The following ZC3H12B variants were observed in gnomAD, a reference collection of about 807,000 sequenced individuals.
The protein encoded by ZC3H12B is zinc finger CCCH-type containing 12B, also known as probable ribonuclease ZC3H12B.
ZC3H12B carries 7 observed loss-of-function variants against 43.9 expected under a neutral mutation model. The ratio of observed to expected loss-of-function variants is 0.16; its 90% CI spans 0.09 to 0.30. The LOEUF is 0.30. ZC3H12B is among the 10% of genes least tolerant of loss of function. The pLI is 1.00. For synonymous variants in ZC3H12B, 222 were observed against 241.7 expected (o/e 0.92, Z 0.76); for missense variants, 475 against 670.2 (o/e 0.71, Z 3.22).
At chrX:65,141,874 C>T in the ZC3H12B span, among the ~76,000 whole-genome samples, 2 of 111,752 alleles carry the variant, frequency 1.8e-5, no homozygotes, top group African/African-American at 6.5e-5. Context: ...AGTAGTAGTC[C>T]ACTGTATATA....
the ZC3H12B span, among the ~76,000 whole-genome samples, chrX:65,281,295 A>C: frequency 2.1e-4 from 21 of 100,903 alleles, no homozygotes; most frequent in African/African-American, 7.8e-4. Context: ...AGTGCAGAGG[A>C]GCGATTTCGG....
the ZC3H12B span, among the ~76,000 whole-genome samples, chrX:65,220,497 G>T: frequency 9.0e-6 from 1 of 111,573 alleles, no homozygotes; most frequent in African/African-American, 3.3e-5. Context: ...AATTTAAAGA[G>T]GTGGAAAAGA....
At chrX:65,117,288 A>G in the ZC3H12B span, among the ~76,000 whole-genome samples, 1 of 111,566 alleles carries the variant, frequency 9.0e-6, no homozygotes, top group South Asian at 3.7e-4. Flanking sequence ...TGTGGTTTGG[A>G]TTTGCATTTC....
chrX:65,256,205 G>A, the ZC3H12B span, among the ~76,000 whole-genome samples: 3 of 111,862 alleles, frequency 2.7e-5, no homozygotes, highest in East Asian at 8.4e-4. Flanking sequence ...CATCTACAGA[G>A]CTCTCCATCC....
chrX:65,439,956 T>C (rs1163397978), intron 3 of ZC3H12B, among the ~76,000 whole-genome samples: 1 of 111,116 alleles, frequency 9.0e-6, no homozygotes, highest in East Asian at 2.8e-4. Context: ...AAATCGGCTG[T>C]TGATTTTGGC....
At chrX:65,282,536 G>A in the ZC3H12B span, among the ~76,000 whole-genome samples, 1 of 110,927 alleles carries the variant, frequency 9.0e-6, no homozygotes. Context: ...ATGAATCAAG[G>A]AGCTGGTTTT....
the ZC3H12B span, among the ~76,000 whole-genome samples, chrX:65,147,512 C>T: frequency 9.0e-6 from 1 of 110,981 alleles, no homozygotes; most frequent in Admixed American, 9.6e-5. Flanking sequence ...TTTGATGGTC[C>T]TTGAGCATGA....
the ZC3H12B span, chrX:65,271,225 T>C: frequency 3.6e-5 from 4 of 112,164 alleles, no homozygotes; most frequent in African/African-American, 1.3e-4. Context: ...TATATTCTTA[T>C]AATAAGCTTC....
the ZC3H12B span, among the ~76,000 whole-genome samples, chrX:65,275,883 AAAT>A: frequency 8.9e-6 from 1 of 112,071 alleles, no homozygotes; most frequent in South Asian, 3.6e-4. Context: ...AAAGTATTCA[AAAT>A]AATAATCTCA....
the ZC3H12B span, among the ~76,000 whole-genome samples, chrX:65,217,879 C>A: frequency 9.0e-6 from 1 of 111,296 alleles, no homozygotes; most frequent in Non-Finnish European, 1.9e-5. Context: ...GGGGTAGAAA[C>A]TTTATTCAAA....
At chrX:65,160,185 T>G in the ZC3H12B span, among the ~76,000 whole-genome samples, 1 of 112,166 alleles carries the variant, frequency 8.9e-6, no homozygotes, top group Non-Finnish European at 1.9e-5. Context: ...TTGAGGATTT[T>G]TGCATCAATG....
At chrX:65,274,690 C>T in the ZC3H12B span, among the ~76,000 whole-genome samples, 1 of 110,097 alleles carries the variant, frequency 9.1e-6, no homozygotes, top group African/African-American at 3.3e-5. Context: ...TGCTCCCACT[C>T]AGAACCTGAT....
the ZC3H12B span, among the ~76,000 whole-genome samples, chrX:65,242,150 C>T: frequency 9.0e-6 from 1 of 110,975 alleles, no homozygotes; most frequent in Non-Finnish European, 1.9e-5. Context: ...TATCACCCCA[C>T]CCTGCTTTTT....
the ZC3H12B span, among the ~76,000 whole-genome samples, chrX:65,135,583 T>C: frequency 9.1e-6 from 1 of 109,801 alleles, no homozygotes; most frequent in Non-Finnish European, 1.9e-5. Context: ...TCTGTAATTT[T>C]GTAACGCAGG....
the ZC3H12B span, among the ~76,000 whole-genome samples, chrX:65,119,205 G>C: frequency 9.0e-6 from 1 of 111,360 alleles, no homozygotes; most frequent in Non-Finnish European, 1.9e-5. Context: ...TCTAGTTCTA[G>C]ATCCCTGAGG....
At chrX:65,246,096 C>T in the ZC3H12B span, among the ~76,000 whole-genome samples, 1 of 111,313 alleles carries the variant, frequency 9.0e-6, no homozygotes, top group Non-Finnish European at 1.9e-5. Context: ...GCAAAAATCA[C>T]TAGCATTCCT....
intron 3 of ZC3H12B, among the ~76,000 whole-genome samples, chrX:65,428,188 T>C: frequency 8.9e-6 from 1 of 112,197 alleles, no homozygotes; most frequent in South Asian, 3.8e-4. Flanking sequence ...TGGCTGCTTT[T>C]AACAGTTTTC....
At chrX:65,159,648 TAAG>T in the ZC3H12B span, among the ~76,000 whole-genome samples, 617 of 112,301 alleles carry the variant, frequency 5.5e-3, 5 homozygotes, top group Non-Finnish European at 8.0e-3. Flanking sequence ...CTTATCAGCT[TAAG>T]GAGATTTTCG....
chrX:65,453,433 G>T (rs1439756645), intron 3 of ZC3H12B, among the ~76,000 whole-genome samples: 2 of 86,134 alleles, frequency 2.3e-5, no homozygotes, highest in Admixed American at 1.5e-4. Flanking sequence ...CCATGCAAAG[G>T]AACGAGACCA....
Sources: allele counts gnomAD v4.1 joint callset (sites outside exome capture counted in the v4.1 genomes callset), GRCh38; gene constraint gnomAD v4.1.1; transcripts MANE v1.5; gene names NCBI Gene and HGNC (gene_info 2026-07-23, HGNC 2026-07-21).